The following SKAP2 variants were observed in gnomAD, a reference collection of about 807,000 sequenced individuals.
SKAP2 encodes src kinase-associated phosphoprotein 2.
In SKAP2, 28 loss-of-function variants were observed where a neutral mutation model predicts 54.9. That is an observed-to-expected ratio of 0.51 (90% confidence interval 0.38 to 0.70). SKAP2 has a LOEUF of 0.70. SKAP2 is among the 30% of genes least tolerant of loss of function. The pLI is 0.00. For synonymous variants in SKAP2, 137 were observed against 134.3 expected, an observed-to-expected ratio of 1.02 and a Z score of -0.14; for missense variants, 356 against 424.1, an observed-to-expected ratio of 0.84 and a Z score of 1.41.
At chr7:26,699,672 T>G (rs1786980837) in intron 9 of SKAP2, among the ~76,000 whole-genome samples, 1 of 152,116 alleles carries the variant, frequency 6.6e-6, no homozygotes, top group Admixed American at 6.5e-5. Context: ...AGAAAAAAAT[T>G]CAAAACATAA....
intron 3 of SKAP2, among the ~76,000 whole-genome samples, chr7:26,849,686 C>CAAAAAAA (rs11327610): frequency 1.2e-5 from 1 of 85,510 alleles, no homozygotes. Flanking sequence ...GACTCCATCT[C>CAAAAAAA]AAAAAAAAAA....
At chr7:26,677,221 T>C (rs1429989196) in intron 11 of SKAP2, among the ~76,000 whole-genome samples, 1 of 152,012 alleles carries the variant, frequency 6.6e-6, no homozygotes, top group South Asian at 2.1e-4. Flanking sequence ...TGAAACCCTA[T>C]GTCTACTAAA....
intron 6 of SKAP2, 148 bp from the exon 7 acceptor site, chr7:26,727,154 A>T: frequency 1.7e-6 from 1 of 576,684 alleles, no homozygotes; most frequent in South Asian, 2.6e-5. Context: ...TGTTTTTAGA[A>T]ATCATTTTTA....
At chr7:26,754,416 C>A (rs1488450678) in intron 4 of SKAP2, among the ~76,000 whole-genome samples, 3 of 141,470 alleles carry the variant, frequency 2.1e-5, no homozygotes, top group African/African-American at 5.4e-5. Context: ...AAAAAAAAAA[C>A]CCAACTGACA....
chr7:26,758,667 TAAAG>T (rs1025054664), intron 4 of SKAP2, among the ~76,000 whole-genome samples: 10 of 152,150 alleles, frequency 6.6e-5, no homozygotes, highest in Non-Finnish European at 1.2e-4. Flanking sequence ...TGTTGTGACA[TAAAG>T]AAAACATTTG....
intron 4 of SKAP2, among the ~76,000 whole-genome samples, chr7:26,740,907 G>A (rs1782428177): frequency 2.0e-5 from 3 of 151,876 alleles, no homozygotes; most frequent in Non-Finnish European, 1.5e-5. Context: ...AGAATCACTC[G>A]AACCCAGGAG....
intron 4 of SKAP2, among the ~76,000 whole-genome samples, chr7:26,754,372 AC>A: frequency 6.9e-6 from 1 of 145,818 alleles, no homozygotes; most frequent in African/African-American, 2.6e-5. Context: ...ACACACACAC[AC>A]ACACACACAA....
intron 6 of SKAP2, among the ~76,000 whole-genome samples, chr7:26,736,787 T>C (rs1433472589): frequency 2.0e-5 from 3 of 152,044 alleles, no homozygotes; most frequent in Non-Finnish European, 2.9e-5. Context: ...TTACTACCAT[T>C]AGGTCTCATC....
intron 4 of SKAP2, among the ~76,000 whole-genome samples, chr7:26,751,027 T>C (rs1408553305): frequency 1.3e-5 from 2 of 152,170 alleles, no homozygotes. Context: ...TTCTTTAAAC[T>C]CATTTTTATT....
At chr7:26,745,921 G>A (rs1228096085) in intron 4 of SKAP2, among the ~76,000 whole-genome samples, 2 of 152,144 alleles carry the variant, frequency 1.3e-5, no homozygotes, top group Non-Finnish European at 2.9e-5. Flanking sequence ...ATTTCATGAA[G>A]GTGATACTCT....
At chr7:26,725,599 A>G in intron 8 of SKAP2, 34 bp from the exon 9 acceptor site, 1 of 1,511,164 alleles carries the variant, frequency 6.6e-7, no homozygotes. Context: ...AAATTTTAAA[A>G]GAATGCAGAA....
chr7:26,726,996 C>T lies in SKAP2; in HGVS notation c.480G>A (p.Gln160=). 1.9e-6 allele frequency: 3 copies of T among 1,600,702 alleles called. No homozygotes were observed. In the Middle Eastern group the frequency reaches 5.0e-4, roughly 266 times the overall value. The change falls in exon 7 of 13, where the codon CAG becomes CAA. Residue 160 remains glutamine (Q), a synonymous_variant. Coordinates refer to ENST00000345317, the MANE Select transcript of SKAP2 (RefSeq NM_003930.5). ...YYYGSDKDKQ[Q]KGEFAIDGYS... ...AGCCATCTATTGCAAATTCACCTTT[C>T]TGTTGTTTGTCTGTTGAAGATAAAA... is the stretch of plus-strand genomic sequence containing the variant.
intron 4 of SKAP2, among the ~76,000 whole-genome samples, chr7:26,807,428 C>T (rs1346573132): frequency 1.3e-5 from 2 of 152,140 alleles, no homozygotes; most frequent in South Asian, 2.1e-4. Context: ...TTTGGCAGTT[C>T]CCTCCTTGCT....
At chr7:26,814,869 T>C (rs1784232882) in intron 4 of SKAP2, among the ~76,000 whole-genome samples, 1 of 152,150 alleles carries the variant, frequency 6.6e-6, no homozygotes, top group Admixed American at 6.6e-5. Flanking sequence ...AAAAATTATT[T>C]ATTTTTGTTT....
At chr7:26,858,584 A>C (rs754523098) in intron 1 of SKAP2, among the ~76,000 whole-genome samples, 16 of 152,076 alleles carry the variant, frequency 1.1e-4, no homozygotes, top group Non-Finnish European at 2.1e-4. Flanking sequence ...AAATCACTGA[A>C]TAGTACTCCA....
chr7:26,761,856 T>C (rs2017794), intron 4 of SKAP2, among the ~76,000 whole-genome samples: 65,400 of 152,164 alleles, frequency 0.43, 14,535 homozygotes, highest in Middle Eastern at 0.49. Context: ...GCTGAGATTG[T>C]GCCATTGCGC....
At position 26,667,399 on chromosome 7, in the gene SKAP2, T is replaced by C. The variant is rs1055686429; in HGVS notation, c.*2267A>G. 5 of 152,226 alleles carry C rather than the reference T, an allele frequency of 3.3e-5. No homozygotes were observed. The highest frequency in any genetic ancestry group is 7.2e-5 in the African/African-American group (3 of 41,470). 9.4% of individuals were successfully genotyped at this position (152,226 alleles called of 1,614,324 possible). The stretch of plus-strand genomic sequence containing the variant: ...GGTGTAAAGAAAACTCTCCCTGGTT[T>C]GTATACAAATGATTTCATCAAATGA... On this transcript the variant is annotated 3_prime_UTR_variant, in exon 13 of 13. Transcript: ENST00000345317.
At chr7:26,816,677 G>C (rs1784273241) in intron 4 of SKAP2, among the ~76,000 whole-genome samples, 1 of 151,994 alleles carries the variant, frequency 6.6e-6, no homozygotes, top group Non-Finnish European at 1.5e-5. Context: ...TTTGGATTTT[G>C]TCTCAAACAA....
At chr7:26,846,868 C>T (rs1784933313) in intron 3 of SKAP2, among the ~76,000 whole-genome samples, 1 of 152,114 alleles carries the variant, frequency 6.6e-6, no homozygotes, top group African/African-American at 2.4e-5. Flanking sequence ...GTAATCCCAG[C>T]TACTCGGGAG....
Sources: gnomAD v4.1 joint callset for allele counts (sites outside exome capture counted in the v4.1 genomes callset) on GRCh38, gnomAD v4.1.1 for gene constraint, MANE v1.5 for transcripts, NCBI Gene and HGNC (gene_info 2026-07-23, HGNC 2026-07-21) for gene names.